The following CHN2 variants were observed in gnomAD, a reference collection of about 807,000 sequenced individuals.
The protein encoded by CHN2 is beta-chimaerin.
Under a neutral mutation model 56.3 loss-of-function variants are expected in CHN2, and 35 were observed. The ratio of observed to expected loss-of-function variants is 0.62; its 90% CI spans 0.47 to 0.82. The LOEUF (loss-of-function observed/expected upper bound fraction) is 0.82. Among genes scored for constraint, CHN2 ranks in the 40% least tolerant of loss-of-function variants. CHN2 has a pLI of 0.00. For missense variants in CHN2, 491 were observed against 580.5 expected (o/e 0.85, Z 1.58); for synonymous variants, 210 against 212.8 (o/e 0.99, Z 0.12).
chr7:29,160,095 G>A (rs1041214238), intron 2 of CHN2, among the ~76,000 whole-genome samples: 1 of 152,134 alleles, frequency 6.6e-6, no homozygotes, highest in African/African-American at 2.4e-5. Context: ...CTGGCTCTCT[G>A]ATAAAGAAAG....
intron 1 of CHN2, among the ~76,000 whole-genome samples, chr7:29,285,214 T>C (rs1455444070): frequency 8.5e-5 from 13 of 152,250 alleles, no homozygotes; most frequent in African/African-American, 3.1e-4. Flanking sequence ...TTCTGTGGCA[T>C]TGAAATCTGG....
rs58693628 is a variant in CHN2, at chr7:29,295,314, A to AACACACACACACACAC, written c.50-59293_50-59278dup. ...GACTATATCCCTCAGTTTAGCTGTG[A>AACACACACACACACAC]ACACACACACACACACACACACACA... On this transcript the variant is annotated intron_variant, in intron 1 of 12. Transcript: ENST00000222792. 9.9e-3 allele frequency among the ~76,000 whole-genome samples: 1,439 copies of AACACACACACACACAC among 145,020 alleles called. 15 individuals are homozygous for AACACACACACACACAC. The highest frequency in any genetic ancestry group is 0.019 in the East Asian group (94 of 4,842).
chr7:29,499,646 G>A (rs562585203), intron 8 of CHN2, among the ~76,000 whole-genome samples: 18 of 152,268 alleles, frequency 1.2e-4, no homozygotes, highest in Middle Eastern at 3.4e-3. Context: ...AAGGTCCAGC[G>A]ACAGAGAAGG....
chr7:29,504,458 C>T (rs375459939), intron 9 of CHN2, among the ~76,000 whole-genome samples: 1 of 152,134 alleles, frequency 6.6e-6, no homozygotes, highest in African/African-American at 2.4e-5. Flanking sequence ...AGTAAGGGAA[C>T]GGTCCATGGG....
At chr7:29,315,327 CA>C (rs1028645770) in intron 1 of CHN2, among the ~76,000 whole-genome samples, 1 of 152,144 alleles carries the variant, frequency 6.6e-6, no homozygotes, top group African/African-American at 2.4e-5. Context: ...CAAGCAAGCA[CA>C]AAGATTGCAA....
chr7:29,412,320 CTTTTTTTTTTTTTTTT>C (rs1158746299), intron 6 of CHN2, among the ~76,000 whole-genome samples: 1 of 69,510 alleles, frequency 1.4e-5, no homozygotes, highest in Admixed American at 1.8e-4. Flanking sequence ...GCTAAAGAGT[CTTTTTTTTTTTTTTTT>C]TTTTTTTTTT....
intron 1 of CHN2, among the ~76,000 whole-genome samples, chr7:29,311,892 A>G (rs531179005): frequency 6.6e-6 from 1 of 152,332 alleles, no homozygotes; most frequent in South Asian, 2.1e-4. Context: ...CTTGCCCTCA[A>G]TAATGGAGGA....
At chr7:29,388,843 G>A (rs6964852) in intron 3 of CHN2, among the ~76,000 whole-genome samples, 4,730 of 152,268 alleles carry the variant, frequency 0.031, 236 homozygotes, top group African/African-American at 0.11. Context: ...ATAGGAGCAC[G>A]GTGTGTGGAC....
intron 7 of CHN2, among the ~76,000 whole-genome samples, chr7:29,491,809 C>T (rs1443282896): frequency 6.6e-6 from 1 of 152,206 alleles, no homozygotes; most frequent in African/African-American, 2.4e-5. Context: ...TAATTAGTAG[C>T]TCTTCTTACA....
rs201049108 is a variant in CHN2 at position 29,323,161 on chromosome 7, C to T, written c.50-31464C>T. 4.8e-4 allele frequency among the ~76,000 whole-genome samples: 64 copies of T among 132,738 alleles called. 1 individual carries two copies. The East Asian group carries it at 0.016, about 33-fold the overall frequency. The allele number at this position is 132,738 out of a possible 152,430, so 87.1% of individuals were successfully genotyped here. ...AGAGTGAGAATCCGTCCCCCCCGTT[C>T]CCCCCCAACAAAAAAAGAAAGTGCT... On this transcript the variant is annotated intron_variant, in intron 1 of 12. Coordinates refer to ENST00000222792, the MANE Select transcript of CHN2 (RefSeq NM_004067.4).
chr7:29,264,287 C>G (rs927259264), intron 1 of CHN2, among the ~76,000 whole-genome samples: 1 of 152,052 alleles, frequency 6.6e-6, no homozygotes, highest in African/African-American at 2.4e-5. Flanking sequence ...GCCCCTCTGC[C>G]CGGCCGTAAC....
intron 2 of CHN2, among the ~76,000 whole-genome samples, chr7:29,176,327 A>G (rs1271644800): frequency 1.3e-5 from 2 of 152,206 alleles, no homozygotes; most frequent in Non-Finnish European, 2.9e-5. Context: ...GATACACTGT[A>G]GGAAAGCTTC....
intron 2 of CHN2, among the ~76,000 whole-genome samples, chr7:29,366,527 CA>C (rs550886242): frequency 2.8e-4 from 43 of 152,194 alleles, no homozygotes; most frequent in Non-Finnish European, 5.3e-4. Flanking sequence ...TCTTTCCTCC[CA>C]CTAGTCCCAC....
intron 7 of CHN2, among the ~76,000 whole-genome samples, chr7:29,492,247 C>T (rs750844985): frequency 4.6e-5 from 7 of 152,136 alleles, no homozygotes; most frequent in Non-Finnish European, 7.3e-5. Flanking sequence ...CTATTTCTCC[C>T]CTTTCAAAGA....
At chr7:29,317,332 A>G (rs1005624088) in intron 1 of CHN2, among the ~76,000 whole-genome samples, 4 of 152,064 alleles carry the variant, frequency 2.6e-5, no homozygotes, top group African/African-American at 7.2e-5. Context: ...ATGACTGTGG[A>G]AAAAAAATCA....
chr7:29,252,583 T>TTTTTTTTTTTTTTG (rs1788682094), intron 1 of CHN2, among the ~76,000 whole-genome samples: 1 of 19,252 alleles, frequency 5.2e-5, no homozygotes, highest in Non-Finnish European at 8.0e-5. Flanking sequence ...TCTTTGTTTT[T>TTTTTTTTTTTTTTG]TTTTTTTTTT....
At chr7:29,411,122 CT>C (rs1803166472) in intron 6 of CHN2, among the ~76,000 whole-genome samples, 1 of 152,130 alleles carries the variant, frequency 6.6e-6, no homozygotes, top group Admixed American at 6.5e-5. Context: ...TAAATTTAGA[CT>C]TCAACACAAG....
intron 6 of CHN2, among the ~76,000 whole-genome samples, chr7:29,420,810 T>C (rs527487342): frequency 5.9e-4 from 39 of 66,612 alleles, no homozygotes; most frequent in Admixed American, 3.3e-3. Flanking sequence ...TTTTCTTCTT[T>C]TCTTTCTTTT....
intron 1 of CHN2, among the ~76,000 whole-genome samples, chr7:29,220,280 A>AAG (rs60474405): frequency 1.4e-3 from 192 of 138,160 alleles, no homozygotes; most frequent in African/African-American, 1.8e-3. Flanking sequence ...AAAAAAAAAA[A>AAG]AGAGAGAGAG....
Sources: gnomAD v4.1 joint callset for allele counts (sites outside exome capture counted in the v4.1 genomes callset) on GRCh38, gnomAD v4.1.1 for gene constraint, MANE v1.5 for transcripts, NCBI Gene and HGNC (gene_info 2026-07-23, HGNC 2026-07-21) for gene names.